SENP5: variants seen among roughly 807,000 people sequenced by gnomAD.
SENP5 encodes the protein sentrin-specific protease 5.
SENP5 carries 21 observed loss-of-function variants against 74.2 expected under a neutral mutation model. That is an observed-to-expected ratio of 0.28 (90% CI 0.20 to 0.41). The LOEUF (loss-of-function observed/expected upper bound fraction) is 0.41. Ranked by LOEUF, SENP5 falls within the 10% of genes least tolerant of loss-of-function variation. The probability of loss-of-function intolerance (pLI) is 1.00; values close to 1 mark genes in which losing one functional copy is unlikely to be tolerated. For synonymous variants in SENP5, 311 were observed against 312.7 expected (o/e 0.99, Z 0.06); for missense variants, 717 against 889.1 (o/e 0.81, Z 2.46).
At chr3:196,878,739 C>T (rs999607783) in intron 1 of SENP5, among the ~76,000 whole-genome samples, 4 of 151,942 alleles carry the variant, frequency 2.6e-5, no homozygotes, top group African/African-American at 9.7e-5. Flanking sequence ...TTATAGGTGC[C>T]CGCCACCATG....
chr3:196,918,995 A>ATCTG (rs1553826372), intron 6 of SENP5, among the ~76,000 whole-genome samples: 3 of 144,258 alleles, frequency 2.1e-5, no homozygotes, highest in African/African-American at 5.1e-5. Flanking sequence ...CTATCTATCT[A>ATCTG]TCTGTCTCCA....
intron 8 of SENP5, 54 bp from the exon 9 acceptor site, chr3:196,929,579 T>G: frequency 8.7e-7 from 1 of 1,152,232 alleles, no homozygotes; most frequent in East Asian, 2.4e-5. Flanking sequence ...GTTTTTCTTA[T>G]CTGAAGAGAA....
chr3:196,896,789 A>C (rs939571240), intron 2 of SENP5, among the ~76,000 whole-genome samples: 21 of 152,102 alleles, frequency 1.4e-4, no homozygotes, highest in Admixed American at 3.9e-4. Context: ...CTTAACACCC[A>C]GGGAGGCTAT....
intron 6 of SENP5, among the ~76,000 whole-genome samples, chr3:196,921,664 T>C (rs922874039): frequency 1.2e-4 from 19 of 152,288 alleles, no homozygotes; most frequent in African/African-American, 4.3e-4. Flanking sequence ...GGAACATTGT[T>C]TATTATTTTC....
chr3:196,900,341 TGG>T, intron 4 of SENP5, 22 bp from the exon 5 acceptor site: 1 of 1,591,330 alleles, frequency 6.3e-7, no homozygotes, highest in East Asian at 2.2e-5. Flanking sequence ...GATAGTAAGC[TGG>T]TTTTATGTTG....
chr3:196,921,553 A>G (rs914504133), intron 6 of SENP5, among the ~76,000 whole-genome samples: 8 of 152,204 alleles, frequency 5.3e-5, no homozygotes, highest in African/African-American at 1.4e-4. Flanking sequence ...TGAGAAGAAT[A>G]TACATCTGGT....
chr3:196,912,800 G>C (rs1223660783), intron 6 of SENP5: 1 of 151,772 alleles, frequency 6.6e-6, no homozygotes, highest in East Asian at 1.9e-4. Flanking sequence ...CTTGAGCCCA[G>C]GAGTTTGAGA....
At chr3:196,890,637 A>G (rs1383731025) in intron 2 of SENP5, among the ~76,000 whole-genome samples, 3 of 152,224 alleles carry the variant, frequency 2.0e-5, no homozygotes, top group African/African-American at 7.2e-5. Context: ...CTCTGCACTG[A>G]GATTACTTTG....
At position 196,894,583 on chromosome 3, in the gene SENP5, T is replaced by C. The variant is rs563037371; in HGVS notation, c.1514-5083T>C. ...CCATGGGTCTGGGAACCAATGAAAT[T>C]AGTTGGTAGTTCTAATACTGTTTAT... On this transcript the variant is annotated intron_variant, in intron 2 of 9. Transcript: ENST00000323460. Among the ~76,000 whole-genome samples, 9 of 152,104 alleles carry C rather than the reference T, an allele frequency of 5.9e-5. No homozygotes were observed. The South Asian group carries it at 6.2e-4, about 11-fold the overall frequency.
chr3:196,897,276 T>G (rs1004936733), intron 2 of SENP5, among the ~76,000 whole-genome samples: 2 of 152,202 alleles, frequency 1.3e-5, no homozygotes, highest in Non-Finnish European at 2.9e-5. Flanking sequence ...TTCCCCCATG[T>G]AGACACAAGG....
chr3:196,914,713 T>A (rs1715302172), intron 6 of SENP5: 1 of 149,526 alleles, frequency 6.7e-6, no homozygotes, highest in Admixed American at 6.7e-5. Context: ...CCTTCAACCA[T>A]CGTCCTCCTG....
Position 196,886,076 on chromosome 3 carries a change from CCTT to C in SENP5, c.899_901del (p.Ser300del), listed in dbSNP as rs758248828. The C allele has an allele frequency of 1.2e-6, 2 of 1,614,182 alleles. No homozygotes were observed. Among genetic ancestry groups the C allele is most frequent in the South Asian group, 1.1e-5 (1 of 91,080 alleles). On this transcript the variant is annotated inframe_deletion, in exon 2 of 10. Coordinates refer to ENST00000323460, the MANE Select transcript of SENP5 (RefSeq NM_152699.5). ...ATTTCCTTCCCCAGAACCTAAAGAC[CCTT>C]CTTGTCGGCATCAGCCGTACTTTCC... is the stretch of plus-strand genomic sequence containing the variant.
intron 1 of SENP5, among the ~76,000 whole-genome samples, chr3:196,877,727 C>A (rs1002489879): frequency 1.3e-5 from 2 of 152,022 alleles, no homozygotes; most frequent in Non-Finnish European, 2.9e-5. Flanking sequence ...TTACTTTTTC[C>A]CTGTAATTTA....
intron 2 of SENP5, among the ~76,000 whole-genome samples, chr3:196,889,205 C>T (rs949843281): frequency 4.0e-5 from 6 of 149,746 alleles, no homozygotes; most frequent in East Asian, 2.0e-4. Context: ...AAAAAAAAAA[C>T]AACACCAAAA....
chr3:196,886,189 G>A lies in SENP5; in HGVS notation c.1008G>A (p.Lys336=), dbSNP rs1042613769. 7 of 1,614,060 alleles carry A rather than the reference G, an allele frequency of 4.3e-6. No homozygotes were observed. The highest frequency in any genetic ancestry group is 1.7e-5 in the Admixed American group (1 of 60,004). The stretch of plus-strand genomic sequence containing the variant: ...CTAAAGGAAGCTCTTTCTTGGGCAA[G>A]GAGCTTAGTTTAGACGAAGCATTCC... The part of the protein sequence containing the change: ...CHTKGSSFLG[K]ELSLDEAFPD... Residue 336 remains lysine, a synonymous_variant, in exon 2 of 10, where the codon AAG becomes AAA. Coordinates refer to ENST00000323460, the MANE Select transcript of SENP5 (RefSeq NM_152699.5).
At position 196,885,494 on chromosome 3, in the gene SENP5, A is replaced by G; in HGVS notation, c.313A>G (p.Ile105Val). 2 of 1,614,112 alleles carry G rather than the reference A, an allele frequency of 1.2e-6. No homozygotes were observed. Residue 105 changes from isoleucine to valine, a missense_variant, in exon 2 of 10, where the codon ATT becomes GTT. Ile to Val is a conservative substitution (Grantham distance 29, BLOSUM62 3). Transcript: ENST00000323460. ...KVKRKDAKHF[I>V]SSSKTLLRLQ... The stretch of plus-strand genomic sequence containing the variant: ...GAAAAGAAAGGACGCTAAACACTTC[A>G]TTTCCTCCTCAAAGACTCTCCTGAG...
At chr3:196,904,046 G>T (rs2108840501) in intron 6 of SENP5, among the ~76,000 whole-genome samples, 1 of 152,342 alleles carries the variant, frequency 6.6e-6, no homozygotes, top group South Asian at 2.1e-4. Flanking sequence ...TCCATCAGGA[G>T]AAATAACTTT....
At chr3:196,921,616 T>TA (rs901883788) in intron 6 of SENP5, among the ~76,000 whole-genome samples, 27 of 148,498 alleles carry the variant, frequency 1.8e-4, no homozygotes, top group South Asian at 1.1e-3. Flanking sequence ...TACTCGGAAT[T>TA]AAAAAAAAAA....
At chr3:196,922,942 A>G (rs1715676790) in intron 6 of SENP5, among the ~76,000 whole-genome samples, 1 of 152,078 alleles carries the variant, frequency 6.6e-6, no homozygotes, top group South Asian at 2.1e-4. Flanking sequence ...TTGTAGAGAC[A>G]GAGTCTCATT....
Sources: gnomAD v4.1 joint callset for allele counts (sites outside exome capture counted in the v4.1 genomes callset) on GRCh38, gnomAD v4.1.1 for gene constraint, MANE v1.5 for transcripts, NCBI Gene and HGNC (gene_info 2026-07-23, HGNC 2026-07-21) for gene names.